PTPRS: variants seen among roughly 807,000 people sequenced by gnomAD.
PTPRS encodes receptor-type tyrosine-protein phosphatase S.
Under a neutral mutation model 215.3 loss-of-function variants are expected in PTPRS, and 63 were observed. That is an observed-to-expected ratio of 0.29 (90% CI 0.24 to 0.36). The LOEUF (loss-of-function observed/expected upper bound fraction) is 0.36, where lower values mean the gene tolerates loss of function less well. Ranked by LOEUF, PTPRS falls within the 10% of genes least tolerant of loss-of-function variation. The pLI is 1.00. For synonymous variants in PTPRS, 1,404 were observed against 1,191.4 expected, an observed-to-expected ratio of 1.18 and a Z score of -3.68; for missense variants, 2,258 against 2,825.8, an observed-to-expected ratio of 0.80 and a Z score of 4.56.
At chr19:5,304,117 A>T (rs147323849) in intron 1 of PTPRS, among the ~76,000 whole-genome samples, 1,780 of 152,138 alleles carry the variant, frequency 0.012, 23 homozygotes, top group African/African-American at 0.034. Flanking sequence ...CTCTGGGCTG[A>T]GCACTAAGGA....
intron 1 of PTPRS, among the ~76,000 whole-genome samples, chr19:5,322,961 C>T (rs1408939164): frequency 6.6e-6 from 1 of 151,476 alleles, no homozygotes; most frequent in Non-Finnish European, 1.5e-5. Flanking sequence ...CTCATTTCTT[C>T]CCCTGGGAAG....
intron 1 of PTPRS, among the ~76,000 whole-genome samples, chr19:5,317,289 T>C (rs1223562677): frequency 6.6e-6 from 1 of 152,068 alleles, no homozygotes; most frequent in African/African-American, 2.4e-5. Flanking sequence ...CCGGCCAACA[T>C]GGGGAAACCC....
At position 5,286,164 on chromosome 19, in the gene PTPRS, C is replaced by A; in HGVS notation, c.-24G>T. ...ATGCTTGGCAGCGACCTCCGATCTC[C>A]GCCCTGGAGGGGGATGGCCCCCCGG... On this transcript the variant is annotated 5_prime_UTR_variant, in exon 2 of 38. Coordinates refer to ENST00000262963, the MANE Select transcript of PTPRS (RefSeq NM_002850.4). 6.2e-7 allele frequency: 1 copy of A among 1,611,450 alleles called. No homozygotes were observed. Among genetic ancestry groups the A allele is most frequent in the South Asian group, 1.1e-5 (1 of 90,740 alleles).
Position 5,257,871 on chromosome 19 carries a change from T to A in PTPRS, c.706+146A>T. ...CTAAGGCCCAGAGAGGGACGCCGCC[T>A]CGGCCAAGGTCCCACCGCGACCGGG... On this transcript the variant is annotated intron_variant, in intron 8 of 37. Transcript: ENST00000262963. This position sits in a 1 kb window ranked among gnomAD's most constrained non-coding sequence, Gnocchi z 4.4. 1 of 646,090 alleles carries A rather than the reference T, an allele frequency of 1.5e-6. No individual in the cohort carries two copies. Among genetic ancestry groups the A allele is most frequent in the Non-Finnish European group, 2.7e-6 (1 of 374,780 alleles). 40.0% of individuals were successfully genotyped at this position (646,090 alleles called of 1,614,324 possible). A position where few individuals can be genotyped will look rare whatever the true frequency, so the allele number is the denominator to read the frequency against.
chr19:5,323,728 AG>A (rs2050094017), intron 1 of PTPRS, among the ~76,000 whole-genome samples: 1 of 152,190 alleles, frequency 6.6e-6, no homozygotes, highest in Admixed American at 6.5e-5. Context: ...GGCTACAGGG[AG>A]GACTTGGGGT....
intron 1 of PTPRS, among the ~76,000 whole-genome samples, chr19:5,335,317 C>T (rs1284066376): frequency 1.3e-5 from 2 of 152,228 alleles, no homozygotes; most frequent in African/African-American, 2.4e-5. Flanking sequence ...ACGCAGACTG[C>T]GACTGTACTG....
At chr19:5,222,335 G>A (rs546402538) in intron 18 of PTPRS, 115 bp from the exon 19 acceptor site, 212 of 867,282 alleles carry the variant, frequency 2.4e-4, no homozygotes, top group Middle Eastern at 1.6e-3. Flanking sequence ...CCTGTCGTCC[G>A]CTGTGCCCAT....
chr19:5,281,330 G>A (rs781392249), intron 2 of PTPRS, among the ~76,000 whole-genome samples: 22 of 152,082 alleles, frequency 1.4e-4, no homozygotes, highest in South Asian at 2.1e-4. Context: ...GCATGGTGGC[G>A]CATGCCTGTA....
intron 26 of PTPRS, among the ~76,000 whole-genome samples, 169 bp from the exon 27 acceptor site, chr19:5,215,764 G>T (rs1285360596): frequency 2.6e-5 from 4 of 152,092 alleles, no homozygotes; most frequent in Non-Finnish European, 1.5e-5. Context: ...GCTCATGAAG[G>T]GGCTGGGACC....
At chr19:5,248,751 AG>A (rs1345410081) in intron 9 of PTPRS, among the ~76,000 whole-genome samples, 31 of 152,348 alleles carry the variant, frequency 2.0e-4, no homozygotes, top group African/African-American at 5.8e-4. Flanking sequence ...AAACCTCTCC[AG>A]GCAGACGTGG....
chr19:5,284,437 A>T (rs1599945067), intron 2 of PTPRS, among the ~76,000 whole-genome samples: 1 of 147,792 alleles, frequency 6.8e-6, no homozygotes, highest in Admixed American at 6.7e-5. Context: ...CAGGTCAGGC[A>T]CAGTGGCTCA....
intron 3 of PTPRS, among the ~76,000 whole-genome samples, 188 bp downstream of exon 3, chr19:5,274,011 C>T (rs1599863043): frequency 6.6e-6 from 1 of 152,336 alleles, no homozygotes; most frequent in African/African-American, 2.4e-5. Context: ...TGAGGCCACA[C>T]AGCATGGAGC....
In PTPRS at chr19:5,291,134, G is replaced by C. The variant is rs557009192; in HGVS notation, c.-94-4900C>G. ...GACTATTGATTTGTATTGGGACGAC[G>C]TGAAGGCTCAGGGCACTGTCCCCAG... On this transcript the variant is annotated intron_variant, in intron 1 of 37. Transcript: ENST00000262963. Among the ~76,000 whole-genome samples, 9 of 152,206 alleles carry C rather than the reference G, an allele frequency of 5.9e-5. No homozygotes were observed. In the East Asian group the frequency reaches 1.6e-3, roughly 26 times the overall value.
intron 1 of PTPRS, among the ~76,000 whole-genome samples, chr19:5,296,604 A>C (rs1183626915): frequency 6.6e-6 from 1 of 152,122 alleles, no homozygotes; most frequent in Non-Finnish European, 1.5e-5. Context: ...GATTCCAGGC[A>C]GAGAGCTCAG....
At chr19:5,245,509 T>A (rs1405790208) in intron 10 of PTPRS, among the ~76,000 whole-genome samples, 1 of 150,966 alleles carries the variant, frequency 6.6e-6, no homozygotes, top group East Asian at 1.9e-4. Flanking sequence ...CCCAGGCTGG[T>A]CTCAAAGTCC....
At position 5,306,631 on chromosome 19, in the gene PTPRS, A is replaced by AT. The variant is rs557751864; in HGVS notation, c.-94-20398dup. ...CCCTGTGGACACTTCGGTTGCCTCC[A>AT]TTTTTTCCCAACCTCACCCAATGCC... On this transcript the variant is annotated intron_variant, in intron 1 of 37. Transcript: ENST00000262963. 2.6e-5 allele frequency among the ~76,000 whole-genome samples: 4 copies of AT among 151,822 alleles called. No homozygotes were observed. The South Asian group carries it at 6.2e-4, about 24-fold the overall frequency.
At chr19:5,297,382 C>T (rs571493939) in intron 1 of PTPRS, among the ~76,000 whole-genome samples, 13 of 152,266 alleles carry the variant, frequency 8.5e-5, no homozygotes, top group East Asian at 3.9e-4. Flanking sequence ...CTGTTTCATG[C>T]GGCCGTTCTC....
intron 2 of PTPRS, among the ~76,000 whole-genome samples, chr19:5,285,744 G>C (rs372500091): frequency 6.6e-6 from 1 of 152,252 alleles, no homozygotes; most frequent in African/African-American, 2.4e-5. Context: ...TCAAGGGAGA[G>C]GAAGCAGGTA....
intron 12 of PTPRS, 39 bp from the exon 13 acceptor site, chr19:5,239,102 AGAGAGAGAGAGAGACAGAAACAAAG>A: frequency 8.6e-7 from 1 of 1,160,140 alleles, no homozygotes; most frequent in Non-Finnish European, 1.2e-6. Context: ...GGGATGGGGG[AGAGAGAGAGAGAGACAGAAACAAAG>A]GGGAGAGAGA....
Sources: gnomAD v4.1 joint callset for allele counts (sites outside exome capture counted in the v4.1 genomes callset) on GRCh38, gnomAD v4.1.1 for gene constraint, Gnocchi (gnomAD v3.1) non-coding constraint, MANE v1.5 for transcripts, NCBI Gene and HGNC (gene_info 2026-07-23, HGNC 2026-07-21) for gene names.